CPNE4: variants seen among roughly 807,000 people sequenced by gnomAD.
The protein encoded by CPNE4 is copine 4.
In CPNE4, 25 loss-of-function variants were observed where a neutral mutation model predicts 67.9. The ratio of observed to expected loss-of-function variants is 0.37; its 90% CI spans 0.27 to 0.51. The LOEUF is 0.51. CPNE4 is among the 20% of genes least tolerant of loss of function. The pLI is 0.93. For synonymous variants in CPNE4, 242 were observed against 244.9 expected, an observed-to-expected ratio of 0.99 and a Z score of 0.11; for missense variants, 464 against 690.8, an observed-to-expected ratio of 0.67 and a Z score of 3.68.
At chr3:131,976,081 G>GGTT (rs371575747) in intron 1 of CPNE4, among the ~76,000 whole-genome samples, 1 of 136,680 alleles carries the variant, frequency 7.3e-6, no homozygotes, top group African/African-American at 2.7e-5. Context: ...AATATTGTTG[G>GGTT]TTTTTTTTTT....
intron 7 of CPNE4, among the ~76,000 whole-genome samples, chr3:131,626,222 C>T (rs372332204): frequency 6.6e-6 from 1 of 152,208 alleles, no homozygotes; most frequent in African/African-American, 2.4e-5. Flanking sequence ...AGTCACATGT[C>T]TCTCACTTTA....
intron 5 of CPNE4, among the ~76,000 whole-genome samples, chr3:131,688,878 T>G (rs887785697): frequency 6.6e-6 from 1 of 152,198 alleles, no homozygotes; most frequent in African/African-American, 2.4e-5. Context: ...TTTAAAAATT[T>G]TGTAATCATG....
intron 3 of CPNE4, among the ~76,000 whole-genome samples, chr3:131,722,078 A>G (rs1348522839): frequency 2.0e-5 from 3 of 152,200 alleles, no homozygotes; most frequent in African/African-American, 7.2e-5. Context: ...AACAGAGGAC[A>G]CTGTCTATTT....
chr3:131,950,239 G>A (rs1166912812), intron 1 of CPNE4, among the ~76,000 whole-genome samples: 1 of 152,140 alleles, frequency 6.6e-6, no homozygotes, highest in Non-Finnish European at 1.5e-5. Flanking sequence ...TATTGTTGAT[G>A]CATTAACAGT....
At chr3:131,629,611 A>C (rs1325169127) in intron 7 of CPNE4, among the ~76,000 whole-genome samples, 1 of 151,974 alleles carries the variant, frequency 6.6e-6, no homozygotes, top group Non-Finnish European at 1.5e-5. Context: ...CGCTTGGCTA[A>C]TTTTTGTATT....
rs1368741258 is a variant in CPNE4, at chr3:131,983,326, T to C, written c.-2+51241A>G. Among the ~76,000 whole-genome samples the C allele has an allele frequency of 2.6e-5, 4 of 152,304 alleles. No homozygotes were observed. In the East Asian group the frequency reaches 5.8e-4, roughly 22 times the overall value. The stretch of plus-strand genomic sequence containing the variant: ...AAATACAGAATCTGGTAAGACTAAT[T>C]TACACTTATATCACACTGAGACTGT... On this transcript the variant is annotated intron_variant, in intron 1 of 15. Transcript: ENST00000429747.
chr3:132,014,419 G>A (rs1021756200), intron 1 of CPNE4, among the ~76,000 whole-genome samples: 43 of 152,038 alleles, frequency 2.8e-4, no homozygotes, highest in African/African-American at 9.9e-4. Context: ...TAGTGACCGA[G>A]GTAAGGGCTA....
Position 131,969,849 on chromosome 3 carries a change from C to A in CPNE4, c.-1-64405G>T, listed in dbSNP as rs76092213. Among the ~76,000 whole-genome samples the A allele has an allele frequency of 8.5e-3, 1,301 of 152,308 alleles. 12 individuals are homozygous for A. The highest frequency in any genetic ancestry group is 0.03 in the African/African-American group (1,254 of 41,560). On this transcript the variant is annotated intron_variant, in intron 1 of 15. Coordinates refer to ENST00000429747, the MANE Select transcript of CPNE4 (RefSeq NM_130808.3). ...GAAATCAGACCTAAGGACCTCAGTT[C>A]CAGGCTCTCCTCCTCAATTACCAGC... is the stretch of plus-strand genomic sequence containing the variant.
intron 12 of CPNE4, among the ~76,000 whole-genome samples, chr3:131,552,941 C>G (rs2107647230): frequency 6.6e-6 from 1 of 152,200 alleles, no homozygotes; most frequent in African/African-American, 2.4e-5. Flanking sequence ...TTCAGCTAAG[C>G]AGTTGACACT....
At chr3:131,727,523 C>G (rs1203223557) in intron 2 of CPNE4, among the ~76,000 whole-genome samples, 1 of 151,940 alleles carries the variant, frequency 6.6e-6, no homozygotes. Context: ...TCAATAACAA[C>G]TAACACTTTT....
At chr3:131,977,758 G>A (rs2072703912) in intron 1 of CPNE4, among the ~76,000 whole-genome samples, 1 of 151,668 alleles carries the variant, frequency 6.6e-6, no homozygotes. Context: ...TTAGTGATTT[G>A]TGAGATTTTG....
chr3:132,031,867 A>G (rs1251640418), intron 1 of CPNE4, among the ~76,000 whole-genome samples: 4 of 152,160 alleles, frequency 2.6e-5, no homozygotes, highest in Non-Finnish European at 5.9e-5. Context: ...AAGTCATAAT[A>G]ATGGGCTTGA....
chr3:131,538,191 A>G (rs538973083), intron 15 of CPNE4, among the ~76,000 whole-genome samples: 25 of 152,350 alleles, frequency 1.6e-4, no homozygotes, highest in African/African-American at 6.0e-4. Flanking sequence ...GATGATGGTA[A>G]TATTCTATAT....
At chr3:131,761,210 C>CTTTTTTT (rs151161125) in intron 2 of CPNE4, among the ~76,000 whole-genome samples, 1 of 119,480 alleles carries the variant, frequency 8.4e-6, no homozygotes, top group African/African-American at 3.2e-5. Context: ...TCACTTCGTA[C>CTTTTTTT]TTTTTTTTTT....
At chr3:131,675,456 G>C (rs1302144332) in intron 6 of CPNE4, among the ~76,000 whole-genome samples, 1 of 151,954 alleles carries the variant, frequency 6.6e-6, no homozygotes, top group Non-Finnish European at 1.5e-5. Context: ...TCTCTCCTTA[G>C]CTCTAATAAT....
intron 7 of CPNE4, among the ~76,000 whole-genome samples, chr3:131,652,963 A>T (rs2079850362): frequency 6.6e-6 from 1 of 151,930 alleles, no homozygotes; most frequent in African/African-American, 2.4e-5. Context: ...CTCATCCCAA[A>T]CCTTTTGCTC....
At chr3:132,012,629 G>A (rs1452562436) in intron 1 of CPNE4, among the ~76,000 whole-genome samples, 1 of 152,132 alleles carries the variant, frequency 6.6e-6, no homozygotes, top group Non-Finnish European at 1.5e-5. Flanking sequence ...ATAGAAATTA[G>A]CAGGTAAGAT....
At position 131,756,060 on chromosome 3, in the gene CPNE4, T is replaced by A. The variant is rs983862065; in HGVS notation, c.181-32435A>T. Reference sequence around the variant, plus strand: ...GTGCACATCATGCCAAGTGTTAAGCTAGGGTTTAGTCAGTGTCTATAAAGA... The same window carrying A: ...GTGCACATCATGCCAAGTGTTAAGCAAGGGTTTAGTCAGTGTCTATAAAGA... On this transcript the variant is annotated intron_variant, in intron 2 of 15. Transcript: ENST00000429747. Among the ~76,000 whole-genome samples the A allele has an allele frequency of 5.9e-5, 9 of 152,048 alleles. No homozygotes were observed. The East Asian group carries it at 1.7e-3, about 29-fold the overall frequency.
chr3:131,619,634 C>T (rs1485993448), intron 7 of CPNE4, among the ~76,000 whole-genome samples: 2 of 152,082 alleles, frequency 1.3e-5, no homozygotes, highest in African/African-American at 2.4e-5. Context: ...AAAGGTGTGC[C>T]TGATTTCTAA....
Sources: gnomAD v4.1 joint callset for allele counts (sites outside exome capture counted in the v4.1 genomes callset) on GRCh38, gnomAD v4.1.1 for gene constraint, MANE v1.5 for transcripts, NCBI Gene and HGNC (gene_info 2026-07-23, HGNC 2026-07-21) for gene names.